Variants in TET3 observed in about 807,000 individuals in gnomAD.
TET3 encodes the protein tet methylcytosine dioxygenase 3.
Under a neutral mutation model 141.4 loss-of-function variants are expected in TET3, and 19 were observed. The observed-to-expected ratio is 0.13, with a 90% CI of 0.09 to 0.20. The LOEUF is 0.20. TET3 is among the 10% of genes least tolerant of loss of function. The pLI is 1.00. For missense variants in TET3, 1,874 were observed against 2,356.9 expected (o/e 0.80, Z 4.24); for synonymous variants, 1,043 against 980.9 (o/e 1.06, Z -1.18).
At chr2:74,034,248 T>G (rs1483707323) in intron 3 of TET3, among the ~76,000 whole-genome samples, 1 of 102,564 alleles carries the variant, frequency 9.8e-6, no homozygotes, top group East Asian at 2.0e-4. Flanking sequence ...TGTATTATAG[T>G]TTTTTTTTTT....
At chr2:74,004,471 T>A (rs1685048900) in intron 3 of TET3, among the ~76,000 whole-genome samples, 1 of 152,128 alleles carries the variant, frequency 6.6e-6, no homozygotes. Flanking sequence ...CTGCAGGGTG[T>A]ATCAGGAGGC....
At chr2:74,089,365 A>C (rs1358137465) in intron 7 of TET3, among the ~76,000 whole-genome samples, 1 of 152,180 alleles carries the variant, frequency 6.6e-6, no homozygotes, top group Non-Finnish European at 1.5e-5. Flanking sequence ...GTCGTAATCC[A>C]CTGTGTGGAT....
downstream of TET3, among the ~76,000 whole-genome samples, chr2:74,113,049 T>C (rs547812927): frequency 2.4e-5 from 3 of 126,636 alleles, no homozygotes; most frequent in African/African-American, 8.8e-5. Flanking sequence ...ACAGTTAACA[T>C]CTTACTGAAT....
chr2:74,065,353 T>G (rs1235172521), intron 4 of TET3, among the ~76,000 whole-genome samples: 5 of 152,246 alleles, frequency 3.3e-5, no homozygotes, highest in Non-Finnish European at 5.9e-5. Flanking sequence ...GTCATTCTTC[T>G]TGCTCAGATT....
chr2:74,024,983 G>A (rs1686251615), intron 3 of TET3, among the ~76,000 whole-genome samples: 2 of 151,982 alleles, frequency 1.3e-5, no homozygotes, highest in Non-Finnish European at 2.9e-5. Flanking sequence ...CAGCACTTTG[G>A]GAGGCCGAGG....
At chr2:74,034,648 C>G (rs889635302) in intron 3 of TET3, among the ~76,000 whole-genome samples, 4 of 150,402 alleles carry the variant, frequency 2.7e-5, no homozygotes, top group Non-Finnish European at 5.9e-5. Flanking sequence ...TTCATTGACA[C>G]TGCTCTATAA....
downstream of TET3, among the ~76,000 whole-genome samples, chr2:74,112,991 A>C (rs1236837630): frequency 8.1e-6 from 1 of 123,616 alleles, no homozygotes; most frequent in Admixed American, 1.0e-4. Context: ...TGGGCTACAG[A>C]GTGAGACTCC....
At chr2:74,058,592 T>G (rs914488362) in intron 4 of TET3, among the ~76,000 whole-genome samples, 1 of 152,174 alleles carries the variant, frequency 6.6e-6, no homozygotes, top group African/African-American at 2.4e-5. Context: ...TTTTAAATTT[T>G]TTTCTTTTTT....
Position 74,085,576 on chromosome 2 carries a change from C to T in TET3, c.2680-2254C>T, listed in dbSNP as rs116031759. On this transcript the variant is annotated intron_variant, in intron 6 of 11. Transcript: ENST00000409262. ...ACCAGGGACTGGTTTCGTGGAAGAC[C>T]ATTCAGGCATTAGATTCTCAAAAGG... 7.8e-3 allele frequency among the ~76,000 whole-genome samples: 1,185 copies of T among 152,322 alleles called. 16 individuals carry two copies. Among genetic ancestry groups the T allele is most frequent in the African/African-American group, 0.027 (1,141 of 41,556 alleles).
chr2:74,000,364 GTAAA>G lies in TET3; in HGVS notation c.304-2738_304-2735del, dbSNP rs564778354. 2.0e-4 allele frequency among the ~76,000 whole-genome samples: 30 copies of G among 152,320 alleles called. No homozygotes were observed. The South Asian group carries it at 5.0e-3, about 25-fold the overall frequency. ...CCCGCCCACGTGGGAGGACTGCCGT[GTAAA>G]TAAATAACTGCACTTTATTGTGACT... is the stretch of plus-strand genomic sequence containing the variant. On this transcript the variant is annotated intron_variant, in intron 2 of 11. Coordinates refer to ENST00000409262, the MANE Select transcript of TET3 (RefSeq NM_001287491.2).
intron 7 of TET3, 21 bp downstream of exon 7, chr2:74,088,059 G>A: frequency 6.4e-7 from 1 of 1,551,178 alleles, no homozygotes; most frequent in African/African-American, 1.4e-5. Flanking sequence ...GAGGGCTTCA[G>A]GGCCAGGGCC....
intron 2 of TET3, among the ~76,000 whole-genome samples, chr2:73,999,833 G>A (rs1684759822): frequency 6.6e-6 from 1 of 152,184 alleles, no homozygotes; most frequent in African/African-American, 2.4e-5. Context: ...GCCCTGGCAT[G>A]CACCTCTGTG....
At position 74,089,879 on chromosome 2, in the gene TET3, C is replaced by CTG. The variant is rs1228710603; in HGVS notation, c.2889-15_2889-14dup. ...GGGATATTGCATCTATATCCCTGAC[C>CTG]TGTGCTGTGTGTTGCAGCCGGACCT... On this transcript the variant is annotated splice_polypyrimidine_tract_variant and intron_variant, in intron 7 of 11. Transcript: ENST00000409262. 1 of 1,613,830 alleles carries CTG rather than the reference C, an allele frequency of 6.2e-7. No homozygotes were observed. The highest frequency in any genetic ancestry group is 8.5e-7 in the Non-Finnish European group (1 of 1,179,756).
intron 2 of TET3, among the ~76,000 whole-genome samples, chr2:73,995,025 A>G (rs899169546): frequency 4.6e-5 from 7 of 151,808 alleles, no homozygotes; most frequent in African/African-American, 1.7e-4. Flanking sequence ...CAGTGGCGTG[A>G]TCTCAGCTCA....
At position 74,101,302 on chromosome 2, in the gene TET3, G is replaced by A; in HGVS notation, c.4514G>A (p.Gly1505Glu). The change falls in exon 12 of 12, where the codon GGA (glycine) becomes GAA (glutamate). Residue 1505 changes from glycine to glutamate, a missense_variant. Gly to Glu is a moderately conservative substitution (Grantham distance 98). This residue lies in a region of TET3 where 602 missense variants were observed against 590.2 expected (regional missense o/e 1.02). Transcript: ENST00000409262. The surrounding 1 kb of genome is among the most constrained non-coding windows in gnomAD (Gnocchi z 8.5). Reference sequence around the variant, plus strand: ...GGGCAGCAGGCAGCTTCCCACTCTGGAGGACGGCTGCGAGGCAAACCGTGG... The same window carrying A: ...GGGCAGCAGGCAGCTTCCCACTCTGAAGGACGGCTGCGAGGCAAACCGTGG... ...GEGQQAASHS[G>E]GRLRGKPWSP... The A allele has an allele frequency of 6.2e-7, 1 of 1,613,254 alleles. No homozygotes were observed. The highest frequency in any genetic ancestry group is 8.5e-7 in the Non-Finnish European group (1 of 1,179,646).
chr2:74,018,643 C>T (rs571531840), intron 3 of TET3, among the ~76,000 whole-genome samples: 1 of 152,072 alleles, frequency 6.6e-6, no homozygotes, highest in South Asian at 2.1e-4. Flanking sequence ...GTTTTAAGGC[C>T]TCTTTTTACT....
intron 4 of TET3, among the ~76,000 whole-genome samples, chr2:74,071,335 A>G (rs1558767747): frequency 1.3e-5 from 2 of 152,224 alleles, no homozygotes; most frequent in Non-Finnish European, 2.9e-5. Flanking sequence ...CAGGCTGTCT[A>G]CAGCTTTGAC....
At position 74,106,598 on chromosome 2, in the gene TET3, A is replaced by G. The variant is rs1427712722; in HGVS notation, c.*4422A>G. On this transcript the variant is annotated 3_prime_UTR_variant, in exon 12 of 12. Transcript: ENST00000409262. ...TGGTAACCCCTTATGTTCGGACTAA[A>G]GGAAGGAGCTTTCTTTGCTCACTCG... 2.0e-5 allele frequency: 3 copies of G among 153,740 alleles called. No homozygotes were observed. The highest frequency in any genetic ancestry group is 4.4e-5 in the Non-Finnish European group (3 of 68,028). The allele number at this position is 153,740 out of a possible 1,614,324, so 9.5% of individuals were successfully genotyped here. A position where few individuals can be genotyped will look rare whatever the true frequency, so the allele number is the denominator to read the frequency against.
At position 74,103,045 on chromosome 2, in the gene TET3, G is replaced by C. The variant is rs890934193; in HGVS notation, c.*869G>C. ...AGTCACACGATGTCATGGTTCACTAGGCAGCACCTCACGCTGGAGCTGGAG... is the reference window on the plus strand; with the variant it reads ...AGTCACACGATGTCATGGTTCACTACGCAGCACCTCACGCTGGAGCTGGAG... On this transcript the variant is annotated 3_prime_UTR_variant, in exon 12 of 12. Coordinates refer to ENST00000409262, the MANE Select transcript of TET3 (RefSeq NM_001287491.2). 2.0e-5 allele frequency: 3 copies of C among 152,270 alleles called. No homozygotes were observed. The highest frequency in any genetic ancestry group is 2.0e-4 in the Admixed American group (3 of 15,282). The allele number at this position is 152,270 out of a possible 1,614,324, so 9.4% of individuals were successfully genotyped here.
Sources: gnomAD v4.1 joint callset for allele counts (sites outside exome capture counted in the v4.1 genomes callset) on GRCh38, gnomAD v4.1.1 for gene constraint, gnomAD v4.1.1 regional missense constraint, Gnocchi (gnomAD v3.1) non-coding constraint, MANE v1.5 for transcripts, NCBI Gene and HGNC (gene_info 2026-07-23, HGNC 2026-07-21) for gene names.